The following PAH variants were observed in gnomAD, a reference collection of about 807,000 sequenced individuals.
The protein encoded by PAH is phenylalanine-4-hydroxylase.
In PAH, 64 loss-of-function variants were observed where a neutral mutation model predicts 62.0. The ratio of observed to expected loss-of-function variants is 1.03; its 90% CI spans 0.84 to 1.27. The LOEUF (loss-of-function observed/expected upper bound fraction) is 1.27. Among genes scored for constraint, PAH ranks in the 50% most tolerant of loss-of-function variants. PAH has a pLI of 0.00. For missense variants in PAH, 579 were observed against 542.8 expected (o/e 1.07, Z -0.66); for synonymous variants, 195 against 196.2 (o/e 0.99, Z 0.05).
intron 4 of PAH, among the ~76,000 whole-genome samples, chr12:102,876,445 T>C (rs1449561938): frequency 2.0e-5 from 3 of 152,226 alleles, no homozygotes; most frequent in Non-Finnish European, 4.4e-5. Context: ...TTCTGTAAGA[T>C]GGAAGCATCT....
At chr12:102,886,991 G>T (rs185875184) in intron 3 of PAH, among the ~76,000 whole-genome samples, 9 of 152,180 alleles carry the variant, frequency 5.9e-5, no homozygotes, top group Admixed American at 5.9e-4. Flanking sequence ...AGAGAAGGAA[G>T]AAAATCCCAA....
At chr12:102,875,629 A>G (rs963518809) in intron 4 of PAH, among the ~76,000 whole-genome samples, 8 of 152,208 alleles carry the variant, frequency 5.3e-5, no homozygotes, top group Non-Finnish European at 1.0e-4. Context: ...AGTAGGCTAC[A>G]TGGTATATAG....
chr12:102,945,539 C>A (rs1286782690), intron 1 of PAH, among the ~76,000 whole-genome samples: 2 of 152,152 alleles, frequency 1.3e-5, no homozygotes, highest in Non-Finnish European at 2.9e-5. Flanking sequence ...TTCTTCCCTC[C>A]CCTTTCCACA....
chr12:102,908,347 T>C (rs1366714241), intron 2 of PAH, among the ~76,000 whole-genome samples: 1 of 152,218 alleles, frequency 6.6e-6, no homozygotes, highest in Non-Finnish European at 1.5e-5. Flanking sequence ...TACTATTATT[T>C]AATCTATTAA....
At chr12:102,886,790 C>T (rs761086028) in intron 3 of PAH, among the ~76,000 whole-genome samples, 71 of 152,100 alleles carry the variant, frequency 4.7e-4, no homozygotes, top group Non-Finnish European at 8.5e-4. Flanking sequence ...CCACAACCTA[C>T]TAGATTACAA....
At position 102,838,952 on chromosome 12, in the gene PAH, A is replaced by G; in HGVS notation, c.*223T>C. 1.7e-6 allele frequency: 1 copy of G among 579,080 alleles called. No homozygotes were observed. The allele number at this position is 579,080 out of a possible 1,614,324, so 35.9% of individuals were successfully genotyped here. On this transcript the variant is annotated 3_prime_UTR_variant, in exon 13 of 13. Coordinates refer to ENST00000553106, the MANE Select transcript of PAH (RefSeq NM_000277.3). ...TGAGAGTATGGGATTATCATCTCTA[A>G]ATCAAAGATGACCCCAAAAGATTTA...
intron 1 of PAH, among the ~76,000 whole-genome samples, chr12:102,948,221 A>G (rs536714516): frequency 1.3e-5 from 2 of 152,328 alleles, no homozygotes; most frequent in African/African-American, 2.4e-5. Flanking sequence ...GAGTTAATCA[A>G]TCAAACTTTC....
chr12:102,862,580 A>T (rs1160092677), intron 5 of PAH, among the ~76,000 whole-genome samples: 1 of 152,196 alleles, frequency 6.6e-6, no homozygotes, highest in African/African-American at 2.4e-5. Context: ...TTAAAAAAAA[A>T]GTCCTTTTGA....
intron 3 of PAH, among the ~76,000 whole-genome samples, chr12:102,881,540 C>T (rs529081910): frequency 6.6e-6 from 1 of 152,208 alleles, no homozygotes; most frequent in South Asian, 2.1e-4. Flanking sequence ...CAATAGTCAC[C>T]ATGCAGTACA....
At chr12:102,907,315 T>A (rs2136720002) in intron 2 of PAH, among the ~76,000 whole-genome samples, 1 of 152,316 alleles carries the variant, frequency 6.6e-6, no homozygotes, top group Admixed American at 6.5e-5. Flanking sequence ...TGTTCAGGGA[T>A]AGCTGTATTT....
At chr12:102,941,038 A>G (rs1206417569) in intron 1 of PAH, among the ~76,000 whole-genome samples, 1 of 152,236 alleles carries the variant, frequency 6.6e-6, no homozygotes, top group African/African-American at 2.4e-5. Flanking sequence ...TAAAGAAAAT[A>G]AATTCCAACC....
intron 10 of PAH, 80 bp from the exon 11 acceptor site, chr12:102,843,859 G>T (rs1216909162): frequency 1.4e-6 from 2 of 1,472,392 alleles, no homozygotes; most frequent in African/African-American, 1.4e-5. Flanking sequence ...GGCCATTTGT[G>T]CCCCTTCTCT....
chr12:102,846,927 C>A lies in PAH; in HGVS notation c.937G>T (p.Ala313Ser), dbSNP rs62642912. 1 of 1,613,664 alleles carries A rather than the reference C, an allele frequency of 6.2e-7. No homozygotes were observed. Among genetic ancestry groups the A allele is most frequent in the Admixed American group, 1.7e-5 (1 of 60,000 alleles). The change falls in exon 9 of 13, where the codon GCA becomes TCA. Residue 313 changes from alanine (A) to serine (S), a missense_variant. By Grantham distance (99) the Ala-to-Ser change is moderately conservative. Coordinates refer to ENST00000553106, the MANE Select transcript of PAH (RefSeq NM_000277.3). ...AGCTTTTCAATGTATTCATCAGGTG[C>A]ACCCAGAGAGGCAAGGCCAATTTCC... ...SQEIGLASLG[A>S]PDEYIEKLAT...
chr12:102,885,010 C>T (rs757126061), intron 3 of PAH, among the ~76,000 whole-genome samples: 3 of 152,138 alleles, frequency 2.0e-5, no homozygotes, highest in Non-Finnish European at 2.9e-5. Context: ...ATTTTGCAGC[C>T]GATGCACTTC....
intron 1 of PAH, among the ~76,000 whole-genome samples, chr12:102,933,040 ACT>A (rs1211307171): frequency 9.2e-5 from 14 of 152,220 alleles, no homozygotes; most frequent in African/African-American, 3.1e-4. Context: ...GACTATAGTC[ACT>A]CTGTTGTGCT....
At chr12:102,841,973 G>A (rs1874614063) in intron 11 of PAH, among the ~76,000 whole-genome samples, 1 of 152,188 alleles carries the variant, frequency 6.6e-6, no homozygotes, top group African/African-American at 2.4e-5. Flanking sequence ...GGAATCCAAA[G>A]GGATGTGCAG....
chr12:102,935,190 T>G (rs756246296), intron 1 of PAH, among the ~76,000 whole-genome samples: 21 of 152,142 alleles, frequency 1.4e-4, no homozygotes, highest in Admixed American at 3.3e-4. Context: ...TGATATGATG[T>G]ATCACTTTGA....
At chr12:102,940,609 C>T (rs751146158) in intron 1 of PAH, among the ~76,000 whole-genome samples, 42 of 152,140 alleles carry the variant, frequency 2.8e-4, no homozygotes, top group Middle Eastern at 6.8e-3. Flanking sequence ...TAGTTCAGTG[C>T]GACAAAAATA....
upstream of PAH, among the ~76,000 whole-genome samples, chr12:102,955,318 G>A (rs909679608): frequency 5.3e-5 from 8 of 152,196 alleles, no homozygotes; most frequent in Non-Finnish European, 1.2e-4. Context: ...TTAGATACAA[G>A]TTTCAAAATT....
Sources: allele counts gnomAD v4.1 joint callset (sites outside exome capture counted in the v4.1 genomes callset), GRCh38; gene constraint gnomAD v4.1.1; transcripts MANE v1.5; gene names NCBI Gene and HGNC (gene_info 2026-07-23, HGNC 2026-07-21).